Variants in PTK2 observed in about 807,000 individuals in gnomAD.
The protein encoded by PTK2 is protein tyrosine kinase 2.
A neutral mutation model predicts 150.1 loss-of-function variants in PTK2; 45 were observed. The ratio of observed to expected loss-of-function variants is 0.30; its 90% CI spans 0.24 to 0.38. PTK2 has a LOEUF of 0.38. Ranked by LOEUF, PTK2 falls within the 10% of genes least tolerant of loss-of-function variation. PTK2 has a pLI of 1.00. For synonymous variants in PTK2, 432 were observed against 449.2 expected, an observed-to-expected ratio of 0.96 and a Z score of 0.48; for missense variants, 919 against 1,307.3, an observed-to-expected ratio of 0.70 and a Z score of 4.58.
chr8:140,913,409 C>T (rs372499383), intron 2 of PTK2, among the ~76,000 whole-genome samples: 2 of 151,584 alleles, frequency 1.3e-5, no homozygotes, highest in Non-Finnish European at 2.9e-5. Context: ...GATTCTTGTG[C>T]CTCAGCCTCC....
chr8:140,779,970 C>T (rs2100080756), intron 14 of PTK2, among the ~76,000 whole-genome samples: 1 of 152,060 alleles, frequency 6.6e-6, no homozygotes, highest in African/African-American at 2.4e-5. Flanking sequence ...CCTATTCCAA[C>T]AATGTGAAAA....
chr8:140,925,385 T>C (rs1427390201), intron 2 of PTK2, among the ~76,000 whole-genome samples: 2 of 152,218 alleles, frequency 1.3e-5, no homozygotes, highest in African/African-American at 2.4e-5. Flanking sequence ...ATCCTAACTT[T>C]AGAATGTCAG....
chr8:140,777,379 A>G (rs1187516785), intron 14 of PTK2, among the ~76,000 whole-genome samples: 3 of 152,174 alleles, frequency 2.0e-5, no homozygotes, highest in Non-Finnish European at 4.4e-5. Flanking sequence ...ACATACTTCA[A>G]AGGACCAGGT....
chr8:140,811,155 T>G (rs1176732944), intron 10 of PTK2, among the ~76,000 whole-genome samples: 1 of 152,026 alleles, frequency 6.6e-6, no homozygotes. Flanking sequence ...CCCATTGGAG[T>G]GTAGTGACCA....
intron 7 of PTK2, among the ~76,000 whole-genome samples, chr8:140,841,060 G>A (rs79545714): frequency 0.085 from 12,994 of 152,100 alleles, 737 homozygotes; most frequent in Middle Eastern, 0.14. Flanking sequence ...AAATAAAAGC[G>A]CCTCAAAATA....
chr8:140,695,750 T>C (rs1028169051), intron 26 of PTK2, among the ~76,000 whole-genome samples: 26 of 152,084 alleles, frequency 1.7e-4, no homozygotes, highest in African/African-American at 5.6e-4. Flanking sequence ...TTGAAAAGCA[T>C]TGCCAAGCCT....
intron 22 of PTK2, among the ~76,000 whole-genome samples, chr8:140,725,494 C>T (rs1388611194): frequency 6.6e-6 from 1 of 152,184 alleles, no homozygotes; most frequent in Non-Finnish European, 1.5e-5. Flanking sequence ...TGGGTCCCCA[C>T]TTTTCAGTGG....
At chr8:140,780,815 T>C (rs1186129571) in intron 14 of PTK2, among the ~76,000 whole-genome samples, 1 of 152,154 alleles carries the variant, frequency 6.6e-6, no homozygotes, top group Non-Finnish European at 1.5e-5. Flanking sequence ...GAATAACCAA[T>C]AGGGATTATG....
intron 3 of PTK2, among the ~76,000 whole-genome samples, chr8:140,879,845 T>C (rs749351138): frequency 6.6e-6 from 1 of 152,112 alleles, no homozygotes; most frequent in Non-Finnish European, 1.5e-5. Flanking sequence ...GTTTCTGAAA[T>C]AGTATTTTCA....
At chr8:140,733,133 C>T (rs1001545720) in intron 22 of PTK2, among the ~76,000 whole-genome samples, 8 of 151,920 alleles carry the variant, frequency 5.3e-5, no homozygotes, top group Non-Finnish European at 4.4e-5. Context: ...GGGAAAAGAG[C>T]GTGGGATGGA....
At position 140,830,468 on chromosome 8, in the gene PTK2, T is replaced by C; in HGVS notation, c.648+4A>G. On this transcript the variant is annotated splice_donor_region_variant and intron_variant, in intron 8 of 31. Coordinates refer to ENST00000522684, the Ensembl canonical transcript of PTK2. ...TTTATTATGATAAAGGAGACTCTAA[T>C]TACCTTGACAGAATCCAGTAAACTC... 6.6e-7 allele frequency: 1 copy of C among 1,523,366 alleles called. No homozygotes were observed. The highest frequency in any genetic ancestry group is 8.9e-7 in the Non-Finnish European group (1 of 1,120,156). 94.4% of individuals were successfully genotyped at this position (1,523,366 alleles called of 1,614,324 possible).
intron 3 of PTK2, among the ~76,000 whole-genome samples, chr8:140,885,834 G>A (rs2100152056): frequency 6.6e-6 from 1 of 152,136 alleles, no homozygotes; most frequent in South Asian, 2.1e-4. Flanking sequence ...GGAGATGGGT[G>A]AGACTCTCAA....
intron 14 of PTK2, among the ~76,000 whole-genome samples, chr8:140,785,276 C>T (rs2100084299): frequency 6.6e-6 from 1 of 152,192 alleles, no homozygotes; most frequent in Non-Finnish European, 1.5e-5. Context: ...CCCAGCACAC[C>T]TCCATACCTT....
In PTK2 at chr8:140,846,331, AG is replaced by A. The variant is rs780205873; in HGVS notation, c.531-10del. 6.1e-5 allele frequency: 99 copies of A among 1,610,818 alleles called. 1 individual carries two copies. Among genetic ancestry groups the A allele is most frequent in the East Asian group, 1.3e-4 (6 of 44,748 alleles). On this transcript the variant is annotated splice_polypyrimidine_tract_variant and intron_variant, in intron 6 of 31. Transcript: ENST00000522684. ...TCTCCCAGTATGATCGCCTAAAATC[AG>A]GGAAGACATACATTTATATGTATAT... is the stretch of plus-strand genomic sequence containing the variant.
At chr8:140,921,153 G>C in intron 2 of PTK2, 1 of 1,217,532 alleles carries the variant, frequency 8.2e-7, no homozygotes, top group Non-Finnish European at 1.0e-6. Flanking sequence ...GACCATCCTG[G>C]CTAGATCAAG....
chr8:141,000,017 A>G (rs1324602330), intron 1 of PTK2, among the ~76,000 whole-genome samples: 2 of 52,892 alleles, frequency 3.8e-5, no homozygotes, highest in Non-Finnish European at 1.5e-4. Flanking sequence ...ATGACTCGGA[A>G]AAAAAAAAAA....
At chr8:140,729,412 G>A (rs117065405) in intron 22 of PTK2, among the ~76,000 whole-genome samples, 38 of 152,178 alleles carry the variant, frequency 2.5e-4, no homozygotes, top group African/African-American at 8.4e-4. Context: ...CTTCCAAATC[G>A]GCTCCCCACT....
At chr8:140,831,010 A>G (rs2100115038) in intron 7 of PTK2, among the ~76,000 whole-genome samples, 1 of 152,218 alleles carries the variant, frequency 6.6e-6, no homozygotes, top group Non-Finnish European at 1.5e-5. Context: ...ATTTTTAAAA[A>G]TAGACTTTTT....
At chr8:140,793,331 A>G in intron 13 of PTK2, 23 bp downstream of exon 13, 1 of 1,598,678 alleles carries the variant, frequency 6.3e-7, no homozygotes, top group Non-Finnish European at 8.5e-7. Flanking sequence ...ACAAAATAAC[A>G]GTACAAAAAA....
Sources: allele counts gnomAD v4.1 joint callset (sites outside exome capture counted in the v4.1 genomes callset), GRCh38; gene constraint gnomAD v4.1.1; transcripts MANE v1.5; gene names NCBI Gene and HGNC (gene_info 2026-07-23, HGNC 2026-07-21).